Variants in NTRK3 observed in about 807,000 individuals in gnomAD.
NTRK3 encodes the protein NT-3 growth factor receptor.
In NTRK3, 24 loss-of-function variants were observed where a neutral mutation model predicts 91.7. The ratio of observed to expected loss-of-function variants is 0.26; its 90% CI spans 0.19 to 0.37. The LOEUF (loss-of-function observed/expected upper bound fraction) is 0.37. NTRK3 is among the 10% of genes least tolerant of loss of function. The pLI is 1.00. For missense variants in NTRK3, 880 were observed against 1,068.9 expected (o/e 0.82, Z 2.46); for synonymous variants, 483 against 404.0 (o/e 1.20, Z -2.34).
chr15:88,109,488 T>C (rs191514136), intron 13 of NTRK3, among the ~76,000 whole-genome samples: 93 of 152,208 alleles, frequency 6.1e-4, no homozygotes, highest in African/African-American at 2.1e-3. Context: ...GAAAATCAAA[T>C]GGAAACATGA....
chr15:87,946,352 G>C (rs182044349), intron 14 of NTRK3: 1 of 152,254 alleles, frequency 6.6e-6, no homozygotes, highest in Admixed American at 6.5e-5. Context: ...GATTTCCCAG[G>C]GTCGGTGGTT....
rs189248706 is a variant in NTRK3 at position 88,227,930 on chromosome 15, C to A, written c.248+27976G>T. 9.3e-4 allele frequency among the ~76,000 whole-genome samples: 142 copies of A among 152,122 alleles called. 1 individual carries two copies. Among genetic ancestry groups the A allele is most frequent in the African/African-American group, 3.2e-3 (133 of 41,480 alleles). On this transcript the variant is annotated intron_variant, in intron 3 of 18. Transcript: ENST00000394480. ...ATGGAAACAGGGTTCTCACCTTGGC[C>A]CTCCTCCCTTCTTCATGTTCACTGG...
chr15:87,889,040 C>A (rs959360839), intron 17 of NTRK3, among the ~76,000 whole-genome samples: 2 of 152,158 alleles, frequency 1.3e-5, no homozygotes, highest in African/African-American at 4.8e-5. Flanking sequence ...AGCCTTCTCC[C>A]CCTGTTTCTC....
intron 3 of NTRK3, among the ~76,000 whole-genome samples, chr15:88,211,590 A>G (rs2049252110): frequency 1.3e-5 from 2 of 152,260 alleles, no homozygotes; most frequent in Admixed American, 6.5e-5. Flanking sequence ...CATAATTAGG[A>G]ATGTAAGCAA....
At chr15:87,929,332 G>A (rs779216046) in exon 17 of NTRK3, 1 of 1,614,194 alleles carries the variant, frequency 6.2e-7, no homozygotes, top group East Asian at 2.2e-5. Flanking sequence ...CCATACCCGA[G>A]GCGATCTGAC....
intron 9 of NTRK3, among the ~76,000 whole-genome samples, chr15:88,135,696 C>T (rs1329172324): frequency 6.6e-6 from 1 of 152,218 alleles, no homozygotes; most frequent in African/African-American, 2.4e-5. Flanking sequence ...GCCACACCAT[C>T]TTCTGAGGGA....
rs1483698987 is a variant in NTRK3 at position 88,241,616 on chromosome 15, G to T, written c.248+14290C>A. Among the ~76,000 whole-genome samples the T allele has an allele frequency of 1.2e-4, 18 of 152,148 alleles. No individual in the cohort carries two copies. Among genetic ancestry groups the T allele is most frequent in the Admixed American group, 1.2e-3 (18 of 15,290 alleles). On this transcript the variant is annotated intron_variant, in intron 3 of 18. Transcript: ENST00000394480. The surrounding 1 kb of genome is among the most constrained non-coding windows in gnomAD (Gnocchi z 4.3). ...CATGGGGCAGGTCAGCCGCTGGTTG[G>T]GCAGAATGCCAGCTGGGTGCTGGGA...
chr15:87,886,422 A>G (rs912679205), intron 17 of NTRK3, among the ~76,000 whole-genome samples: 4 of 151,928 alleles, frequency 2.6e-5, no homozygotes, highest in South Asian at 4.1e-4. Flanking sequence ...GGCAGCAGTT[A>G]AAAAGAATAT....
intron 14 of NTRK3, among the ~76,000 whole-genome samples, chr15:87,998,325 A>C (rs763836124): frequency 1.3e-5 from 2 of 152,250 alleles, no homozygotes; most frequent in Non-Finnish European, 2.9e-5. Context: ...ACATATACTG[A>C]TGCTGCTCCT....
exon 2 of NTRK3, chr15:88,256,340 ACGC>A (rs542135987): frequency 1.4e-3 from 880 of 624,618 alleles, no homozygotes; most frequent in South Asian, 2.8e-3. Context: ...ACCATCGCGG[ACGC>A]CGCCGCCGCC....
In NTRK3 at chr15:88,014,854, G is replaced by A. The variant is rs1247726286; in HGVS notation, c.1585+18003C>T. Among the ~76,000 whole-genome samples the A allele has an allele frequency of 4.6e-5, 7 of 152,166 alleles. No individual in the cohort carries two copies. The East Asian group carries it at 5.8e-4, about 13-fold the overall frequency. ...TTTCCAAAAGCAAAAGTCATTGGTC[G>A]ATCTATGTTTAGAAATATGCACAAC... is the stretch of plus-strand genomic sequence containing the variant. On this transcript the variant is annotated intron_variant, in intron 14 of 18. Transcript: ENST00000394480.
intron 3 of NTRK3, among the ~76,000 whole-genome samples, chr15:88,214,482 C>T (rs141950093): frequency 2.5e-3 from 373 of 152,190 alleles, no homozygotes; most frequent in African/African-American, 8.6e-3. Context: ...TATATAACCT[C>T]ATCTTAAGGA....
chr15:88,192,238 C>T (rs183037090), intron 3 of NTRK3, among the ~76,000 whole-genome samples: 130 of 152,336 alleles, frequency 8.5e-4, no homozygotes, highest in African/African-American at 3.0e-3. Context: ...CACATCTTCA[C>T]TGCTACCCCA....
intron 14 of NTRK3, among the ~76,000 whole-genome samples, chr15:87,986,213 T>C (rs940614657): frequency 3.3e-5 from 5 of 152,246 alleles, no homozygotes; most frequent in Non-Finnish European, 5.9e-5. Flanking sequence ...TACTTCAAAA[T>C]ATCTGTCTTT....
At chr15:88,020,011 C>T (rs1043079863) in intron 14 of NTRK3, among the ~76,000 whole-genome samples, 2 of 152,182 alleles carry the variant, frequency 1.3e-5, no homozygotes, top group Non-Finnish European at 2.9e-5. Context: ...GGGCTGTGCA[C>T]TCATGTCTAA....
At chr15:88,030,889 G>A (rs1481878971) in intron 14 of NTRK3, among the ~76,000 whole-genome samples, 1 of 151,112 alleles carries the variant, frequency 6.6e-6, no homozygotes, top group Non-Finnish European at 1.5e-5. Flanking sequence ...CTTTTTTGTG[G>A]TCTATTCCAG....
intron 13 of NTRK3, among the ~76,000 whole-genome samples, chr15:88,083,593 G>C (rs1015195822): frequency 6.6e-6 from 1 of 152,088 alleles, no homozygotes; most frequent in Non-Finnish European, 1.5e-5. Flanking sequence ...AGACAGTATG[G>C]GCCAAGATGG....
At chr15:88,069,169 T>A (rs1265045998) in intron 13 of NTRK3, among the ~76,000 whole-genome samples, 1 of 152,096 alleles carries the variant, frequency 6.6e-6, no homozygotes, top group Non-Finnish European at 1.5e-5. Flanking sequence ...GCATGAAACT[T>A]TAGGACAACC....
In NTRK3 at chr15:88,062,316, G is replaced by C. The variant is rs16941202; in HGVS notation, c.1397-29271C>G. ...AAGAAGTACTCCATAAATGATAACAGTTTCTGGCATTGACTAGCAGGTGCC... is the reference window on the plus strand; with the variant it reads ...AAGAAGTACTCCATAAATGATAACACTTTCTGGCATTGACTAGCAGGTGCC... On this transcript the variant is annotated intron_variant, in intron 13 of 18. Transcript: ENST00000394480. Among the ~76,000 whole-genome samples, 1,371 of 152,336 alleles carry C rather than the reference G, an allele frequency of 9.0e-3. 14 individuals are homozygous for C. The highest frequency in any genetic ancestry group is 0.031 in the African/African-American group (1,293 of 41,574).
Sources: gnomAD v4.1 joint callset for allele counts (sites outside exome capture counted in the v4.1 genomes callset) on GRCh38, gnomAD v4.1.1 for gene constraint, Gnocchi (gnomAD v3.1) non-coding constraint, MANE v1.5 for transcripts, NCBI Gene and HGNC (gene_info 2026-07-23, HGNC 2026-07-21) for gene names.